The following TCERG1L variants were observed in gnomAD, a reference collection of about 807,000 sequenced individuals.
The protein encoded by TCERG1L is transcription elongation regulator 1-like protein.
Under a neutral mutation model 56.3 loss-of-function variants are expected in TCERG1L, and 37 were observed. That is an observed-to-expected ratio of 0.66 (90% CI 0.51 to 0.87). The LOEUF (loss-of-function observed/expected upper bound fraction) is 0.87. TCERG1L is among the 40% of genes least tolerant of loss of function. TCERG1L has a pLI of 0.00. For synonymous variants in TCERG1L, 324 were observed against 326.3 expected (o/e 0.99, Z 0.08); for missense variants, 799 against 774.2 (o/e 1.03, Z -0.38).
intron 4 of TCERG1L, among the ~76,000 whole-genome samples, chr10:131,238,309 C>T (rs917456602): frequency 2.0e-5 from 3 of 152,192 alleles, no homozygotes; most frequent in Admixed American, 2.0e-4. Context: ...TATTTGGAGA[C>T]AGTTTGCAGA....
At chr10:131,247,915 C>T (rs889048292) in intron 4 of TCERG1L, among the ~76,000 whole-genome samples, 315 of 152,068 alleles carry the variant, frequency 2.1e-3, no homozygotes, top group African/African-American at 4.3e-3. Context: ...CGCACACACA[C>T]GCATACACAC....
intron 6 of TCERG1L, among the ~76,000 whole-genome samples, chr10:131,160,165 G>A (rs1033640344): frequency 6.6e-6 from 1 of 152,156 alleles, no homozygotes; most frequent in Non-Finnish European, 1.5e-5. Flanking sequence ...CCACTCAAAG[G>A]TATTAGTTCG....
At chr10:131,279,607 G>A (rs1846430629) in intron 3 of TCERG1L, among the ~76,000 whole-genome samples, 1 of 152,124 alleles carries the variant, frequency 6.6e-6, no homozygotes, top group Admixed American at 6.5e-5. Context: ...GAAGACCATG[G>A]GCCATGCTGG....
At chr10:131,185,150 G>A (rs549789176) in intron 4 of TCERG1L, among the ~76,000 whole-genome samples, 6 of 152,096 alleles carry the variant, frequency 3.9e-5, no homozygotes, top group Non-Finnish European at 8.8e-5. Context: ...TAATATAGAT[G>A]TGGGTATAAT....
chr10:131,185,616 C>T (rs370421161), intron 4 of TCERG1L, among the ~76,000 whole-genome samples: 2 of 152,020 alleles, frequency 1.3e-5, no homozygotes, highest in Non-Finnish European at 2.9e-5. Context: ...GATACACAAA[C>T]GGCGAACAGG....
intron 4 of TCERG1L, among the ~76,000 whole-genome samples, chr10:131,256,992 G>GAAAAGAAA (rs1846172871): frequency 1.7e-5 from 1 of 59,170 alleles, no homozygotes; most frequent in African/African-American, 5.5e-5. Flanking sequence ...AAGGAAGGAA[G>GAAAAGAAA]GAAAGAAAGA....
chr10:131,184,950 T>C (rs1845220296), intron 4 of TCERG1L, among the ~76,000 whole-genome samples: 1 of 152,154 alleles, frequency 6.6e-6, no homozygotes, highest in Non-Finnish European at 1.5e-5. Context: ...TACATCCTAC[T>C]ATATTTACAG....
At chr10:131,256,316 G>T (rs1846164138) in intron 4 of TCERG1L, among the ~76,000 whole-genome samples, 1 of 108,832 alleles carries the variant, frequency 9.2e-6, no homozygotes, top group African/African-American at 3.0e-5. Context: ...GAGACTTTCT[G>T]ACTTGGCTGG....
chr10:131,189,222 T>G (rs767506530), intron 4 of TCERG1L, among the ~76,000 whole-genome samples: 3 of 152,236 alleles, frequency 2.0e-5, no homozygotes, highest in Non-Finnish European at 4.4e-5. Flanking sequence ...AAGTGCAATT[T>G]TATGACATGC....
At chr10:131,134,187 G>T (rs1416854389) in intron 8 of TCERG1L, among the ~76,000 whole-genome samples, 192 bp downstream of exon 8, 1 of 152,176 alleles carries the variant, frequency 6.6e-6, no homozygotes, top group Non-Finnish European at 1.5e-5. Context: ...AGTGCCCCAA[G>T]CCTCCGAGAT....
Position 131,191,187 on chromosome 10 carries a change from T to C in TCERG1L, c.857-24302A>G, listed in dbSNP as rs1476610763. ...TATACTTCATCCAGGAGGTGAAAAATCTCTACAAGGAGAACTACAAAACAC... is the reference window on the plus strand; with the variant it reads ...TATACTTCATCCAGGAGGTGAAAAACCTCTACAAGGAGAACTACAAAACAC... On this transcript the variant is annotated intron_variant, in intron 4 of 11. Transcript: ENST00000368642. Among the ~76,000 whole-genome samples the C allele has an allele frequency of 1.4e-5, 2 of 142,962 alleles. 1 individual carries two copies. The highest frequency in any genetic ancestry group is 5.3e-5 in the African/African-American group (2 of 37,852). 93.8% of individuals were successfully genotyped at this position (142,962 alleles called of 152,430 possible).
intron 4 of TCERG1L, among the ~76,000 whole-genome samples, chr10:131,250,670 G>A (rs1846100211): frequency 6.6e-6 from 1 of 152,128 alleles, no homozygotes; most frequent in Non-Finnish European, 1.5e-5. Context: ...GCCTGCCCGG[G>A]GCCTGCCCTA....
chr10:131,240,644 G>C (rs1845960716), intron 4 of TCERG1L, among the ~76,000 whole-genome samples: 1 of 152,188 alleles, frequency 6.6e-6, no homozygotes, highest in South Asian at 2.1e-4. Flanking sequence ...AGACAGACGT[G>C]AGCCACGCGT....
chr10:131,248,008 CAT>C (rs1554896489), intron 4 of TCERG1L, among the ~76,000 whole-genome samples: 1 of 151,556 alleles, frequency 6.6e-6, no homozygotes, highest in Non-Finnish European at 1.5e-5. Flanking sequence ...TACACACACA[CAT>C]GCATACACTC....
intron 5 of TCERG1L, 107 bp from the exon 6 acceptor site, chr10:131,163,317 A>T: frequency 1.1e-6 from 1 of 899,048 alleles, no homozygotes. Context: ...CAGGCAGCTT[A>T]TAGTAGCCAC....
chr10:131,269,415 G>C (rs1164679834), intron 3 of TCERG1L, among the ~76,000 whole-genome samples: 1 of 152,154 alleles, frequency 6.6e-6, no homozygotes, highest in Non-Finnish European at 1.5e-5. Flanking sequence ...TCAAACTCCT[G>C]ACCTCAAGTG....
chr10:131,212,933 T>A (rs1240880328), intron 4 of TCERG1L, among the ~76,000 whole-genome samples: 1 of 152,198 alleles, frequency 6.6e-6, no homozygotes, highest in Non-Finnish European at 1.5e-5. Flanking sequence ...ACCCAGAGGT[T>A]CCCCACAAGT....
At chr10:131,234,482 G>C (rs1469408065) in intron 4 of TCERG1L, among the ~76,000 whole-genome samples, 2 of 152,106 alleles carry the variant, frequency 1.3e-5, no homozygotes, top group African/African-American at 4.8e-5. Context: ...AGAAAAGTAT[G>C]GAATAAACGA....
intron 3 of TCERG1L, among the ~76,000 whole-genome samples, chr10:131,300,358 C>A (rs752014296): frequency 1.1e-4 from 16 of 152,162 alleles, no homozygotes; most frequent in Admixed American, 1.3e-4. Context: ...CCTTTTCAGA[C>A]TTCAGTTATA....
Sources: allele counts gnomAD v4.1 joint callset (sites outside exome capture counted in the v4.1 genomes callset), GRCh38; gene constraint gnomAD v4.1.1; transcripts MANE v1.5; gene names NCBI Gene and HGNC (gene_info 2026-07-23, HGNC 2026-07-21).